The following TPD52 variants were observed in gnomAD, a reference collection of about 807,000 sequenced individuals.
TPD52 encodes tumor protein D52.
A neutral mutation model predicts 31.3 loss-of-function variants in TPD52; 17 were observed. The observed-to-expected ratio is 0.54, with a 90% confidence interval of 0.37 to 0.82. The LOEUF (loss-of-function observed/expected upper bound fraction) is 0.82, where lower values mean the gene tolerates loss of function less well. Among genes scored for constraint, TPD52 ranks in the 40% least tolerant of loss-of-function variants. TPD52 has a pLI of 0.00. For synonymous variants in TPD52, 83 were observed against 89.6 expected (o/e 0.93, Z 0.42); for missense variants, 212 against 240.1 (o/e 0.88, Z 0.77).
At chr8:80,111,478 T>G (rs1264912159) in intron 1 of TPD52, among the ~76,000 whole-genome samples, 1 of 152,074 alleles carries the variant, frequency 6.6e-6, no homozygotes, top group African/African-American at 2.4e-5. Context: ...AAAACCCCCA[T>G]GTACTGGTAA....
At chr8:80,105,721 C>G (rs1807057820) in intron 1 of TPD52, among the ~76,000 whole-genome samples, 1 of 144,026 alleles carries the variant, frequency 6.9e-6, no homozygotes, top group South Asian at 2.2e-4. Flanking sequence ...ACACCCATCC[C>G]AGGTCTGCTT....
At chr8:80,072,317 A>ATGTATGTGTGTGTG (rs1554582866) in intron 1 of TPD52, among the ~76,000 whole-genome samples, 2 of 121,312 alleles carry the variant, frequency 1.6e-5, no homozygotes, top group Non-Finnish European at 3.4e-5. Flanking sequence ...AAAAACATAT[A>ATGTATGTGTGTGTG]TGTGTGTGTG....
At chr8:80,136,683 A>T (rs1435348390) in intron 1 of TPD52, among the ~76,000 whole-genome samples, 2 of 152,284 alleles carry the variant, frequency 1.3e-5, no homozygotes, top group East Asian at 3.9e-4. Flanking sequence ...AGTATGGAGA[A>T]TATATCCGAA....
chr8:80,090,711 A>AG (rs906930867), intron 1 of TPD52, among the ~76,000 whole-genome samples: 7 of 152,158 alleles, frequency 4.6e-5, no homozygotes, highest in African/African-American at 1.7e-4. Flanking sequence ...TAAGAAAGAA[A>AG]AAAAAAAAAA....
intron 1 of TPD52, among the ~76,000 whole-genome samples, chr8:80,085,752 G>A (rs954433692): frequency 2.0e-5 from 3 of 152,270 alleles, no homozygotes; most frequent in East Asian, 1.9e-4. Flanking sequence ...AAAAATCATC[G>A]CTGGATGCTA....
intron 1 of TPD52, among the ~76,000 whole-genome samples, chr8:80,075,210 C>T (rs1373200275): frequency 6.6e-6 from 1 of 152,136 alleles, no homozygotes; most frequent in Non-Finnish European, 1.5e-5. Context: ...ATCTCCTGAC[C>T]TCATGATCCG....
chr8:80,064,404 CAT>C, intron 2 of TPD52, 72 bp downstream of exon 2: 1 of 1,170,950 alleles, frequency 8.5e-7, no homozygotes, highest in South Asian at 1.3e-5. Context: ...AACATATCAC[CAT>C]GTACTTTAGA....
chr8:80,128,936 T>C (rs1808826837), intron 1 of TPD52, among the ~76,000 whole-genome samples: 1 of 152,072 alleles, frequency 6.6e-6, no homozygotes, highest in Non-Finnish European at 1.5e-5. Context: ...TTTCATTCTC[T>C]GTAATGTTAC....
intron 1 of TPD52, among the ~76,000 whole-genome samples, chr8:80,075,453 C>T (rs1020591063): frequency 6.6e-6 from 1 of 152,198 alleles, no homozygotes; most frequent in African/African-American, 2.4e-5. Context: ...AGAAGGTTAC[C>T]TCCCAAAGCT....
At chr8:80,048,867 A>G (rs1331687916) in intron 5 of TPD52, among the ~76,000 whole-genome samples, 1 of 152,230 alleles carries the variant, frequency 6.6e-6, no homozygotes, top group Non-Finnish European at 1.5e-5. Flanking sequence ...TAAAAACTTA[A>G]TATTTATTAA....
At chr8:80,078,485 G>C (rs1287877766) in intron 1 of TPD52, among the ~76,000 whole-genome samples, 1 of 152,162 alleles carries the variant, frequency 6.6e-6, no homozygotes, top group East Asian at 1.9e-4. Context: ...TCATTCCATC[G>C]ACCAACCATG....
intron 3 of TPD52, chr8:80,052,764 T>C (rs2130544490): frequency 1.1e-6 from 1 of 887,682 alleles, no homozygotes; most frequent in Middle Eastern, 2.6e-4. Context: ...GATTGACCTC[T>C]GCCAAGAGCA....
At chr8:80,081,097 C>G (rs1815224320) in intron 1 of TPD52, among the ~76,000 whole-genome samples, 1 of 150,274 alleles carries the variant, frequency 6.7e-6, no homozygotes, top group Admixed American at 6.6e-5. Flanking sequence ...ATTACTTTAT[C>G]TAATGTGGAG....
rs997545507 is a variant in TPD52, at chr8:80,037,910, C to T, written c.*206G>A. On this transcript the variant is annotated 3_prime_UTR_variant, in exon 8 of 8. Coordinates refer to ENST00000518937, the MANE Select transcript of TPD52 (RefSeq NM_001025253.3). The stretch of plus-strand genomic sequence containing the variant: ...TAATGGTGTTTCCTAAATAAAGGAA[C>T]ATAAATGTACACTAAAGGGTGTTTC... The T allele has an allele frequency of 1.2e-4, 65 of 531,988 alleles. 1 individual carries two copies. Among genetic ancestry groups the T allele is most frequent in the Non-Finnish European group, 9.5e-5 (30 of 317,196 alleles). 33.0% of individuals were successfully genotyped at this position (531,988 alleles called of 1,614,324 possible).
intron 1 of TPD52, among the ~76,000 whole-genome samples, chr8:80,068,039 A>G (rs1474767951): frequency 7.0e-6 from 1 of 142,200 alleles, no homozygotes; most frequent in Non-Finnish European, 1.5e-5. Context: ...TCCAAAACTT[A>G]TTTGTTCATT....
intron 7 of TPD52, chr8:80,042,327 A>G: frequency 1.0e-6 from 1 of 985,482 alleles, no homozygotes; most frequent in Non-Finnish European, 1.2e-6. Flanking sequence ...GTCCACCTAC[A>G]AAGGTACTTG....
chr8:80,141,655 T>C (rs1809835627), intron 1 of TPD52, among the ~76,000 whole-genome samples: 1 of 152,182 alleles, frequency 6.6e-6, no homozygotes, highest in Non-Finnish European at 1.5e-5. Context: ...CTCACGCCTG[T>C]AATGCCAGCA....
At chr8:80,044,811 A>G (rs1810689419) in intron 5 of TPD52, among the ~76,000 whole-genome samples, 1 of 152,168 alleles carries the variant, frequency 6.6e-6, no homozygotes, top group Non-Finnish European at 1.5e-5. Context: ...TACTATGCTT[A>G]TAATAGTTTG....
chr8:80,109,461 C>T (rs543204839), intron 1 of TPD52, among the ~76,000 whole-genome samples: 4 of 152,308 alleles, frequency 2.6e-5, no homozygotes, highest in African/African-American at 7.2e-5. Context: ...AGCTGGAGTG[C>T]AATGGTGCAA....
Sources: gnomAD v4.1 joint callset for allele counts (sites outside exome capture counted in the v4.1 genomes callset) on GRCh38, gnomAD v4.1.1 for gene constraint, MANE v1.5 for transcripts, NCBI Gene and HGNC (gene_info 2026-07-23, HGNC 2026-07-21) for gene names.